Variants in MEIKIN observed in about 807,000 individuals in gnomAD.
The protein encoded by MEIKIN is meiosis-specific kinetochore protein.
intron 11 of MEIKIN, among the ~76,000 whole-genome samples, chr5:131,829,935 G>A (rs1352649283): frequency 6.6e-6 from 1 of 152,218 alleles, no homozygotes; most frequent in Admixed American, 6.5e-5. Flanking sequence ...ATAGATTTCT[G>A]TTGTTTTAAG....
At chr5:131,828,801 A>C (rs374064937) in intron 11 of MEIKIN, among the ~76,000 whole-genome samples, 12 of 152,216 alleles carry the variant, frequency 7.9e-5, no homozygotes, top group African/African-American at 2.7e-4. Flanking sequence ...GGAAGTGAAA[A>C]ACAAATATAT....
At chr5:131,815,193 T>C (rs1451306228) in intron 12 of MEIKIN, among the ~76,000 whole-genome samples, 2 of 152,180 alleles carry the variant, frequency 1.3e-5, no homozygotes, top group Non-Finnish European at 2.9e-5. Context: ...TATGAGTCAT[T>C]GCTCCTGGAA....
At chr5:131,938,624 T>C in intron 4 of MEIKIN, among the ~76,000 whole-genome samples, 1 of 152,222 alleles carries the variant, frequency 6.6e-6, no homozygotes, top group East Asian at 1.9e-4. Context: ...CTACAGAATG[T>C]TTTCTGATTT....
chr5:131,870,530 C>T (rs899146960), intron 9 of MEIKIN, among the ~76,000 whole-genome samples: 3 of 152,110 alleles, frequency 2.0e-5, no homozygotes, highest in African/African-American at 7.2e-5. Flanking sequence ...TAATACAGTA[C>T]ATCTGTTCCC....
At chr5:131,815,587 G>A (rs1773087365) in intron 12 of MEIKIN, among the ~76,000 whole-genome samples, 1 of 152,206 alleles carries the variant, frequency 6.6e-6, no homozygotes, top group African/African-American at 2.4e-5. Context: ...AGTCACTTTG[G>A]AGTCAATAGG....
intron 8 of MEIKIN, among the ~76,000 whole-genome samples, chr5:131,895,336 G>A (rs1469329788): frequency 1.3e-5 from 2 of 152,188 alleles, no homozygotes; most frequent in Non-Finnish European, 1.5e-5. Context: ...CAGGGATATT[G>A]GTCTAAAATT....
chr5:131,854,230 C>CT, intron 10 of MEIKIN, among the ~76,000 whole-genome samples: 2 of 152,144 alleles, frequency 1.3e-5, no homozygotes, highest in East Asian at 3.8e-4. Flanking sequence ...GTGACATAAA[C>CT]TAGTCACAAA....
chr5:131,835,279 G>A (rs765207698), intron 11 of MEIKIN, among the ~76,000 whole-genome samples: 13 of 151,476 alleles, frequency 8.6e-5, no homozygotes, highest in African/African-American at 9.7e-5. Context: ...CTCCTTATCA[G>A]ATATGTGGTT....
In MEIKIN at chr5:131,886,178, G is replaced by A. The variant is rs148988592; in HGVS notation, c.704-7130C>T. 3.7e-3 allele frequency among the ~76,000 whole-genome samples: 570 copies of A among 152,150 alleles called. 4 individuals are homozygous for A. The highest frequency in any genetic ancestry group is 0.013 in the African/African-American group (537 of 41,534). ...TTTACAAGATCTAGAAAATAGCTTCGAAACGGCAAATCTTAAGGGTTGTTG... is the reference window on the plus strand; with the variant it reads ...TTTACAAGATCTAGAAAATAGCTTCAAAACGGCAAATCTTAAGGGTTGTTG... On this transcript the variant is annotated intron_variant, in intron 8 of 12. Coordinates refer to ENST00000442687, the MANE Select transcript of MEIKIN (RefSeq NM_001303622.2).
intron 8 of MEIKIN, among the ~76,000 whole-genome samples, chr5:131,892,497 T>C (rs1449378119): frequency 6.6e-6 from 1 of 152,244 alleles, no homozygotes; most frequent in African/African-American, 2.4e-5. Flanking sequence ...GTTCTTCCAG[T>C]TGATTGCATT....
At chr5:131,890,633 G>T (rs1368106771) in intron 8 of MEIKIN, among the ~76,000 whole-genome samples, 1 of 152,048 alleles carries the variant, frequency 6.6e-6, no homozygotes, top group Non-Finnish European at 1.5e-5. Flanking sequence ...CTTGCTAGTG[G>T]TCTATCAATT....
chr5:131,930,167 T>G (rs1168157261), intron 5 of MEIKIN, among the ~76,000 whole-genome samples: 1 of 152,238 alleles, frequency 6.6e-6, no homozygotes, highest in Non-Finnish European at 1.5e-5. Flanking sequence ...AAGCTTTCCC[T>G]TTTCTCTACA....
At chr5:131,935,267 C>CAAAAAAAAAAAAAAAAA (rs749135114) in intron 4 of MEIKIN, among the ~76,000 whole-genome samples, 1 of 36,618 alleles carries the variant, frequency 2.7e-5, no homozygotes, top group Non-Finnish European at 5.7e-5. Context: ...CCCGTCTCTA[C>CAAAAAAAAAAAAAAAAA]AAAAAAAAAA....
intron 9 of MEIKIN, among the ~76,000 whole-genome samples, chr5:131,875,078 T>A (rs182055516): frequency 1.3e-5 from 2 of 152,202 alleles, no homozygotes; most frequent in African/African-American, 4.8e-5. Flanking sequence ...CTTTGAAAAC[T>A]GGCACAAGAC....
chr5:131,904,058 A>G (rs909034219), intron 8 of MEIKIN, among the ~76,000 whole-genome samples: 2 of 152,200 alleles, frequency 1.3e-5, no homozygotes, highest in African/African-American at 4.8e-5. Flanking sequence ...AAAAAAAGAC[A>G]AAGAAGGGCA....
chr5:131,933,667 G>T, intron 4 of MEIKIN, 26 bp from the exon 5 acceptor site: 1 of 397,614 alleles, frequency 2.5e-6, no homozygotes, highest in South Asian at 1.3e-4. Context: ...AAAAAAAATT[G>T]ATAAATCTTT....
chr5:131,878,770 G>A, intron 9 of MEIKIN: 1 of 347,108 alleles, frequency 2.9e-6, no homozygotes, highest in Admixed American at 4.7e-5. Flanking sequence ...AGTTACTCAG[G>A]GGGTTGAAAC....
Position 131,945,141 on chromosome 5 carries a change from C to T in MEIKIN, c.200+15G>A, listed in dbSNP as rs893645678. On this transcript the variant is annotated intron_variant, in intron 2 of 12. Transcript: ENST00000442687. ...GTGGCAAGCTAGGATCGGGCTGTTA[C>T]TGGAGGCTACATACCTGAACGGCCC... is the stretch of plus-strand genomic sequence containing the variant. 5.0e-6 allele frequency: 2 copies of T among 399,030 alleles called. No individual in the cohort carries two copies. Among genetic ancestry groups the T allele is most frequent in the African/African-American group, 4.1e-5 (2 of 48,636 alleles). The allele number at this position is 399,030 out of a possible 1,614,324, so 24.7% of individuals were successfully genotyped here.
chr5:131,832,331 T>G lies in MEIKIN; in HGVS notation c.976-13468A>C, dbSNP rs6880496. On this transcript the variant is annotated intron_variant, in intron 11 of 12. Transcript: ENST00000442687. ...GTTCCAACATGATATTTTTTTTGAC[T>G]CCAGGTCTCACATCTAGGTCACACT... Among the ~76,000 whole-genome samples, 674 of 152,308 alleles carry G rather than the reference T, an allele frequency of 4.4e-3. 12 individuals are homozygous for G. The highest frequency in any genetic ancestry group is 0.016 in the African/African-American group (655 of 41,568).
Sources: allele counts gnomAD v4.1 joint callset (sites outside exome capture counted in the v4.1 genomes callset), GRCh38; gene constraint gnomAD v4.1.1; transcripts MANE v1.5; gene names NCBI Gene and HGNC (gene_info 2026-07-23, HGNC 2026-07-21).